The following EFNA5 variants were observed in gnomAD, a reference collection of about 807,000 sequenced individuals.
EFNA5 encodes the protein ephrin-A5.
In EFNA5, 5 loss-of-function variants were observed where a neutral mutation model predicts 22.9. The observed-to-expected ratio is 0.22, with a 90% confidence interval of 0.11 to 0.46. EFNA5 has a LOEUF of 0.46. Among genes scored for constraint, EFNA5 ranks in the 20% least tolerant of loss-of-function variants. The pLI is 0.99. For missense variants in EFNA5, 237 were observed against 293.3 expected (o/e 0.81, Z 1.40); for synonymous variants, 113 against 112.2 (o/e 1.01, Z -0.04).
chr5:107,534,179 T>C (rs1279883769), intron 1 of EFNA5, among the ~76,000 whole-genome samples: 1 of 152,224 alleles, frequency 6.6e-6, no homozygotes, highest in Non-Finnish European at 1.5e-5. Flanking sequence ...TAACAGCAGA[T>C]AAAACCAATT....
In EFNA5 at chr5:107,547,140, C is replaced by T. The variant is rs537505361; in HGVS notation, c.126-119631G>A. Among the ~76,000 whole-genome samples, 172 of 152,262 alleles carry T rather than the reference C, an allele frequency of 1.1e-3. 1 individual carries two copies. The highest frequency in any genetic ancestry group is 4.1e-3 in the African/African-American group (169 of 41,546). On this transcript the variant is annotated intron_variant, in intron 1 of 4. Coordinates refer to ENST00000333274, the MANE Select transcript of EFNA5 (RefSeq NM_001962.3). ...TTGTATTACTTACTGTAGCTTCATT[C>T]GCCTACTGTACACATGGATCATGGA... is the stretch of plus-strand genomic sequence containing the variant.
At chr5:107,503,886 G>A (rs904514856) in intron 1 of EFNA5, among the ~76,000 whole-genome samples, 1 of 151,840 alleles carries the variant, frequency 6.6e-6, no homozygotes, top group East Asian at 1.9e-4. Context: ...TGTGTATTTT[G>A]TATTTTACAT....
intron 1 of EFNA5, among the ~76,000 whole-genome samples, chr5:107,601,371 AGAG>A (rs1749590291): frequency 6.6e-6 from 1 of 152,082 alleles, no homozygotes. Context: ...AGGGAAGCAC[AGAG>A]TAATTCACTG....
chr5:107,580,937 T>C (rs182381412), intron 1 of EFNA5, among the ~76,000 whole-genome samples: 76 of 152,228 alleles, frequency 5.0e-4, no homozygotes, highest in African/African-American at 1.8e-3. Context: ...GCTTAGAGAA[T>C]TTCCTGATCT....
At position 107,496,244 on chromosome 5, in the gene EFNA5, C is replaced by T. The variant is rs538446793; in HGVS notation, c.126-68735G>A. On this transcript the variant is annotated intron_variant, in intron 1 of 4. Coordinates refer to ENST00000333274, the MANE Select transcript of EFNA5 (RefSeq NM_001962.3). Reference sequence around the variant, plus strand: ...CCTGTAATCCCAGCTACTCGGAAAACAGAATCATTTGAACCTGGGAGGCAG... The same window carrying T: ...CCTGTAATCCCAGCTACTCGGAAAATAGAATCATTTGAACCTGGGAGGCAG... Among the ~76,000 whole-genome samples the T allele has an allele frequency of 2.9e-5, 4 of 136,392 alleles. No individual in the cohort carries two copies. In the Admixed American group the frequency reaches 3.2e-4, roughly 11 times the overall value. 89.5% of individuals were successfully genotyped at this position (136,392 alleles called of 152,430 possible). A position where few individuals can be genotyped will look rare whatever the true frequency, so the allele number is the denominator to read the frequency against.
At chr5:107,432,588 C>T (rs1748991777) in intron 1 of EFNA5, among the ~76,000 whole-genome samples, 1 of 152,174 alleles carries the variant, frequency 6.6e-6, no homozygotes, top group South Asian at 2.1e-4. Context: ...CAGTGCTTCA[C>T]AATCTAAAAG....
chr5:107,483,373 G>A (rs559448031), intron 1 of EFNA5, among the ~76,000 whole-genome samples: 1 of 152,168 alleles, frequency 6.6e-6, no homozygotes, highest in African/African-American at 2.4e-5. Context: ...TGGCATGCAG[G>A]TTTTCCCTGA....
chr5:107,536,250 T>C (rs1351265389), intron 1 of EFNA5, among the ~76,000 whole-genome samples: 2 of 152,184 alleles, frequency 1.3e-5, no homozygotes, highest in African/African-American at 4.8e-5. Flanking sequence ...CTTCAAATAA[T>C]CTGCTTGTTT....
intron 1 of EFNA5, among the ~76,000 whole-genome samples, chr5:107,523,327 T>G (rs1289929782): frequency 6.6e-6 from 1 of 152,104 alleles, no homozygotes; most frequent in Non-Finnish European, 1.5e-5. Flanking sequence ...TCTCAGATAT[T>G]CAACTTGTTT....
chr5:107,503,466 A>G (rs1049373633), intron 1 of EFNA5, among the ~76,000 whole-genome samples: 5 of 152,212 alleles, frequency 3.3e-5, no homozygotes, highest in Non-Finnish European at 5.9e-5. Flanking sequence ...CTATCTCCAG[A>G]ATTCCTCGCT....
At chr5:107,594,927 C>T (rs1749444043) in intron 1 of EFNA5, among the ~76,000 whole-genome samples, 1 of 152,210 alleles carries the variant, frequency 6.6e-6, no homozygotes, top group African/African-American at 2.4e-5. Context: ...CTGGCCAAAA[C>T]AGCGGCTAAG....
intron 1 of EFNA5, among the ~76,000 whole-genome samples, chr5:107,612,680 A>T (rs1749840409): frequency 6.6e-6 from 1 of 152,164 alleles, no homozygotes; most frequent in African/African-American, 2.4e-5. Flanking sequence ...ATGCACAGTG[A>T]AGAACTGGAA....
intron 1 of EFNA5, among the ~76,000 whole-genome samples, chr5:107,633,229 A>G (rs564979923): frequency 6.6e-6 from 1 of 152,338 alleles, no homozygotes; most frequent in East Asian, 1.9e-4. Context: ...TACTCCTCCA[A>G]AAACATTATG....
At chr5:107,445,488 T>A (rs562551839) in intron 1 of EFNA5, among the ~76,000 whole-genome samples, 15 of 152,320 alleles carry the variant, frequency 9.8e-5, no homozygotes, top group African/African-American at 3.6e-4. Context: ...CCAGTGAGAA[T>A]CTGATCTGTT....
At chr5:107,460,579 T>C (rs1339926664) in intron 1 of EFNA5, among the ~76,000 whole-genome samples, 1 of 152,178 alleles carries the variant, frequency 6.6e-6, no homozygotes, top group Non-Finnish European at 1.5e-5. Context: ...TTCTTCACTT[T>C]TTTGGTAAAA....
intron 1 of EFNA5, among the ~76,000 whole-genome samples, chr5:107,603,121 C>T (rs193099805): frequency 6.6e-6 from 1 of 152,288 alleles, no homozygotes; most frequent in East Asian, 1.9e-4. Context: ...AGAACATTTG[C>T]AATGAGAGCA....
At chr5:107,418,533 T>G (rs1748567268) in intron 2 of EFNA5, among the ~76,000 whole-genome samples, 1 of 152,204 alleles carries the variant, frequency 6.6e-6, no homozygotes, top group African/African-American at 2.4e-5. Context: ...AAAGGTGACA[T>G]AATTCCTCCT....
chr5:107,611,265 A>C (rs1022054505), intron 1 of EFNA5, among the ~76,000 whole-genome samples: 2 of 152,236 alleles, frequency 1.3e-5, no homozygotes. Flanking sequence ...CGTATCACAG[A>C]AGAGACTGTT....
At chr5:107,582,939 T>C (rs1215752633) in intron 1 of EFNA5, among the ~76,000 whole-genome samples, 1 of 152,166 alleles carries the variant, frequency 6.6e-6, no homozygotes, top group Non-Finnish European at 1.5e-5. Flanking sequence ...GATTCCTTTA[T>C]GGCTTGAAGG....
Sources: gnomAD v4.1 joint callset for allele counts (sites outside exome capture counted in the v4.1 genomes callset) on GRCh38, gnomAD v4.1.1 for gene constraint, MANE v1.5 for transcripts, NCBI Gene and HGNC (gene_info 2026-07-23, HGNC 2026-07-21) for gene names.